The following USH1C variants were observed in gnomAD, a reference collection of about 807,000 sequenced individuals.
The protein encoded by USH1C is USH1 protein network component harmonin.
USH1C carries 90 observed loss-of-function variants against 119.3 expected under a neutral mutation model. The ratio of observed to expected loss-of-function variants is 0.75; its 90% CI spans 0.64 to 0.90. The LOEUF (loss-of-function observed/expected upper bound fraction) is 0.90. Among genes scored for constraint, USH1C ranks in the 40% least tolerant of loss-of-function variants. The probability of loss-of-function intolerance (pLI) is 0.00; values close to 1 mark genes in which losing one functional copy is unlikely to be tolerated. For synonymous variants in USH1C, 465 were observed against 443.3 expected (o/e 1.05, Z -0.62); for missense variants, 1,165 against 1,167.7 (o/e 1.00, Z 0.03).
At chr11:17,519,280 G>C (rs532322436) in intron 14 of USH1C, among the ~76,000 whole-genome samples, 17 of 152,236 alleles carry the variant, frequency 1.1e-4, no homozygotes, top group Non-Finnish European at 2.9e-5. Context: ...TGCATACAGA[G>C]ACAGATAGAG....
chr11:17,522,737 G>C (rs781301009), intron 12 of USH1C, 47 bp downstream of exon 12: 1 of 1,612,868 alleles, frequency 6.2e-7, no homozygotes, highest in Non-Finnish European at 8.5e-7. Context: ...GGGGTCGTGT[G>C]GTGGGGTGGG....
At chr11:17,534,971 C>T (rs368146685) in intron 1 of USH1C, among the ~76,000 whole-genome samples, 41 of 151,638 alleles carry the variant, frequency 2.7e-4, no homozygotes, top group African/African-American at 8.0e-4. Flanking sequence ...GCTGGCCTTT[C>T]GCACCCACCA....
At chr11:17,494,407 T>C (rs1220859171) in intron 26 of USH1C, 31 bp from the exon 27 acceptor site, 2 of 1,581,116 alleles carry the variant, frequency 1.3e-6, no homozygotes, top group Non-Finnish European at 1.7e-6. Context: ...CCCAGGTGGA[T>C]ACAGGCTTTG....
Position 17,531,365 on chromosome 11 carries a change from C to T in USH1C, c.248+34G>A. On this transcript the variant is annotated intron_variant, in intron 3 of 26. Coordinates refer to ENST00000005226, the MANE Select transcript of USH1C (RefSeq NM_153676.4). The surrounding 1 kb of genome is among the most constrained non-coding windows in gnomAD (Gnocchi z 4.2). ...TGCCCCGCCCAGGGTGATCTCTCCA[C>T]CCCCTGCCTCCAGCCTGGTGGCTTC... is the stretch of plus-strand genomic sequence containing the variant. The T allele has an allele frequency of 1.2e-6, 2 of 1,613,712 alleles. No individual in the cohort carries two copies. The highest frequency in any genetic ancestry group is 8.5e-7 in the Non-Finnish European group (1 of 1,179,840).
At chr11:17,533,378 A>G in intron 1 of USH1C, 56 bp from the exon 2 acceptor site, 1 of 1,306,306 alleles carries the variant, frequency 7.7e-7, no homozygotes, top group South Asian at 1.2e-5. Flanking sequence ...CCCCCATAGC[A>G]GACCTCAGGG....
Position 17,501,414 on chromosome 11 carries a change from G to A in USH1C, c.2280+68C>T, listed in dbSNP as rs369119582. On this transcript the variant is annotated intron_variant, in intron 22 of 26. Transcript: ENST00000005226. ...GGAGTGACCTTGAGAGTAGAGGCAG[G>A]AGACCAAGGGAGGAGGGGCAGGCAC... 2.6e-6 allele frequency: 4 copies of A among 1,550,080 alleles called. No homozygotes were observed. The African/African-American group carries it at 4.1e-5, about 16-fold the overall frequency.
rs543985400 is a variant in USH1C, at chr11:17,523,478, T to G, written c.760A>C (p.Ile254Leu). The G allele has an allele frequency of 1.9e-6, 3 of 1,614,104 alleles. No homozygotes were observed. Among genetic ancestry groups the G allele is most frequent in the East Asian group, 4.5e-5 (2 of 44,876 alleles). Reference protein sequence around the residue: ...GSLSAEVGLEIGDQIVEVNGV... With the variant: ...GSLSAEVGLELGDQIVEVNGV... The stretch of plus-strand genomic sequence containing the variant: ...TTGACTTCGACAATCTGGTCCCCTA[T>G]CTGGTGGGGAAATGGAGAAAGATTA... The change falls in exon 10 of 27, where the codon ATA becomes CTA. Residue 254 changes from isoleucine to leucine, a missense_variant and splice_region_variant. Physicochemically the swap from Ile to Leu is conservative, Grantham distance 5. Transcript: ENST00000005226.
rs771790604 is a variant in USH1C, at chr11:17,509,858, G to A, written c.1531-20C>T. 6.3e-6 allele frequency: 10 copies of A among 1,584,770 alleles called. No individual in the cohort carries two copies. The South Asian group carries it at 9.0e-5, about 14-fold the overall frequency. ...GGTCATCTGGGGGTGTTGCAAGGAA[G>A]TTCTGTAATTGTCACTCTGCTTAGA... On this transcript the variant is annotated intron_variant, in intron 17 of 26. Transcript: ENST00000005226.
chr11:17,523,074 C>T, intron 11 of USH1C, 137 bp downstream of exon 11: 1 of 1,570,640 alleles, frequency 6.4e-7, no homozygotes, highest in Non-Finnish European at 8.8e-7. Flanking sequence ...TCTTGCTGGG[C>T]AGAAGTCCTC....
chr11:17,520,131 C>T (rs553048095), intron 14 of USH1C, among the ~76,000 whole-genome samples: 1 of 152,150 alleles, frequency 6.6e-6, no homozygotes, highest in Non-Finnish European at 1.5e-5. Flanking sequence ...TCATGGTCCC[C>T]GTTTTCCTCT....
chr11:17,497,679 G>A (rs1849292714), intron 24 of USH1C, among the ~76,000 whole-genome samples: 1 of 152,214 alleles, frequency 6.6e-6, no homozygotes, highest in African/African-American at 2.4e-5. Flanking sequence ...ACTACAGTCT[G>A]TAAAAGGGCA....
intron 1 of USH1C, among the ~76,000 whole-genome samples, chr11:17,537,257 C>T (rs1049084547): frequency 1.3e-5 from 2 of 152,164 alleles, no homozygotes; most frequent in East Asian, 3.8e-4. Context: ...AGCACTAGCC[C>T]GAGGATCAGT....
At position 17,523,207 on chromosome 11, in the gene USH1C, T is replaced by A; in HGVS notation, c.876+4A>T. The A allele has an allele frequency of 6.2e-7, 1 of 1,614,152 alleles. No homozygotes were observed. The highest frequency in any genetic ancestry group is 8.5e-7 in the Non-Finnish European group (1 of 1,179,984). The stretch of plus-strand genomic sequence containing the variant: ...GGGCTCCCACCAGCTCATTCTGGAC[T>A]TACAGCTGCAGCTACAATGGAGATG... On this transcript the variant is annotated splice_donor_region_variant and intron_variant, in intron 11 of 26. Coordinates refer to ENST00000005226, the MANE Select transcript of USH1C (RefSeq NM_153676.4).
intron 1 of USH1C, among the ~76,000 whole-genome samples, chr11:17,538,174 A>T (rs1851305018): frequency 6.6e-6 from 1 of 152,174 alleles, no homozygotes; most frequent in Admixed American, 6.5e-5. Context: ...GATCTCTATT[A>T]TCATCCCTGC....
Position 17,516,961 on chromosome 11 carries a change from C to A in USH1C, c.1211-671G>T, listed in dbSNP as rs565619934. Among the ~76,000 whole-genome samples the A allele has an allele frequency of 4.0e-4, 61 of 152,240 alleles. No individual in the cohort carries two copies. The South Asian group carries it at 9.7e-3, about 24-fold the overall frequency. ...GCCGCAGCTCCACAGAGTAATACCCCCAATCTGAAGCTCCCTGGGGCCAAG... is the reference window on the plus strand; with the variant it reads ...GCCGCAGCTCCACAGAGTAATACCCACAATCTGAAGCTCCCTGGGGCCAAG... On this transcript the variant is annotated intron_variant, in intron 14 of 26. Coordinates refer to ENST00000005226, the MANE Select transcript of USH1C (RefSeq NM_153676.4).
chr11:17,496,682 G>A, intron 25 of USH1C, 76 bp downstream of exon 25: 1 of 1,573,168 alleles, frequency 6.4e-7, no homozygotes, highest in South Asian at 1.1e-5. Context: ...GAAGGCTGGG[G>A]ATGGGCTGGA....
chr11:17,514,494 T>G (rs1211619599), intron 15 of USH1C: 2 of 152,242 alleles, frequency 1.3e-5, no homozygotes, highest in African/African-American at 2.4e-5. Flanking sequence ...GCTGGCATTA[T>G]AGACATGAGC....
Position 17,517,581 on chromosome 11 carries a change from A to G in USH1C, c.1211-1291T>C, listed in dbSNP as rs1008117004. 6.3e-6 allele frequency: 7 copies of G among 1,111,542 alleles called. No individual in the cohort carries two copies. In the African/African-American group the frequency reaches 1.1e-4, roughly 17 times the overall value. The allele number at this position is 1,111,542 out of a possible 1,614,324, so 68.9% of individuals were successfully genotyped here. A position where few individuals can be genotyped will look rare whatever the true frequency, so the allele number is the denominator to read the frequency against. On this transcript the variant is annotated intron_variant, in intron 14 of 26. Coordinates refer to ENST00000005226, the MANE Select transcript of USH1C (RefSeq NM_153676.4). ...TGGGGACCTGTAATCAGCTTCCTCC[A>G]TGGGAGCTGTGAGGTCAGGGGCAGG...
intron 1 of USH1C, among the ~76,000 whole-genome samples, chr11:17,534,648 G>A (rs1351539117): frequency 6.6e-6 from 1 of 152,172 alleles, no homozygotes; most frequent in Admixed American, 6.5e-5. Context: ...GCCGAGGTGG[G>A]CAGATCACCT....
Sources: gnomAD v4.1 joint callset for allele counts (sites outside exome capture counted in the v4.1 genomes callset) on GRCh38, gnomAD v4.1.1 for gene constraint, Gnocchi (gnomAD v3.1) non-coding constraint, MANE v1.5 for transcripts, NCBI Gene and HGNC (gene_info 2026-07-23, HGNC 2026-07-21) for gene names.